Variants in ANKS1B observed in about 807,000 individuals in gnomAD.
The protein encoded by ANKS1B is ankyrin repeat and sterile alpha motif domain containing 1B, also known as ankyrin repeat and sterile alpha motif domain-containing protein 1B.
Under a neutral mutation model 148.3 loss-of-function variants are expected in ANKS1B, and 36 were observed. The ratio of observed to expected loss-of-function variants is 0.24; its 90% confidence interval spans 0.19 to 0.32. The LOEUF is 0.32. Ranked by LOEUF, ANKS1B falls within the 10% of genes least tolerant of loss-of-function variation. The pLI is 1.00. For synonymous variants in ANKS1B, 542 were observed against 560.8 expected, an observed-to-expected ratio of 0.97 and a Z score of 0.47; for missense variants, 1,157 against 1,542.6, an observed-to-expected ratio of 0.75 and a Z score of 4.19.
intron 8 of ANKS1B, among the ~76,000 whole-genome samples, chr12:99,756,984 T>C (rs10778018): frequency 0.44 from 66,222 of 151,488 alleles, 14,839 homozygotes; most frequent in South Asian, 0.61. Context: ...TACCCAAAAC[T>C]ATAAAAAAAA....
rs80282922 is a variant in ANKS1B at position 99,333,861 on chromosome 12, T to G, written c.1756+65770A>C. Among the ~76,000 whole-genome samples the G allele has an allele frequency of 5.7e-4, 84 of 146,538 alleles. 2 individuals carry two copies. The highest frequency in any genetic ancestry group is 1.7e-3 in the East Asian group (8 of 4,670). ...TCACATTTCCAGTTCTCAGTTTTTT[T>G]TTTTTTTTTTTTTTAACAATGTGAG... is the stretch of plus-strand genomic sequence containing the variant. On this transcript the variant is annotated intron_variant, in intron 12 of 26. Coordinates refer to ENST00000683438, the MANE Select transcript of ANKS1B (RefSeq NM_001352186.2).
At chr12:98,772,971 G>A in intron 25 of ANKS1B, 71 bp downstream of exon 25, 2 of 1,544,992 alleles carry the variant, frequency 1.3e-6, no homozygotes, top group South Asian at 1.2e-5. Flanking sequence ...TTAATTATAA[G>A]TTGGGCTTTC....
chr12:99,493,722 T>G (rs1439989641), intron 10 of ANKS1B, among the ~76,000 whole-genome samples: 1 of 152,074 alleles, frequency 6.6e-6, no homozygotes, highest in Non-Finnish European at 1.5e-5. Context: ...AGAAAAGGTT[T>G]GGGGGGAAAG....
intron 1 of ANKS1B, among the ~76,000 whole-genome samples, chr12:99,893,944 G>A (rs2093256005): frequency 6.6e-6 from 1 of 151,928 alleles, no homozygotes; most frequent in African/African-American, 2.4e-5. Context: ...GCACTATGAT[G>A]GACATACGGA....
chr12:99,060,653 T>TCACACACACACACACACA (rs35515489), intron 16 of ANKS1B, among the ~76,000 whole-genome samples: 22 of 126,100 alleles, frequency 1.7e-4, no homozygotes, highest in African/African-American at 5.6e-4. Flanking sequence ...TATATACACA[T>TCACACACACACACACACA]CACACACACA....
intron 15 of ANKS1B, among the ~76,000 whole-genome samples, chr12:99,119,900 G>T (rs2062324548): frequency 6.6e-6 from 1 of 151,940 alleles, no homozygotes; most frequent in Admixed American, 6.6e-5. Context: ...GTATATTTCT[G>T]GTCAAAGAAA....
At chr12:99,470,729 T>C (rs552822995) in intron 10 of ANKS1B, among the ~76,000 whole-genome samples, 10 of 152,252 alleles carry the variant, frequency 6.6e-5, no homozygotes, top group African/African-American at 2.2e-4. Flanking sequence ...AAGTATTTCA[T>C]GGAGCTAATA....
chr12:99,541,095 C>T (rs1488436458), intron 9 of ANKS1B, among the ~76,000 whole-genome samples: 2 of 152,072 alleles, frequency 1.3e-5, no homozygotes, highest in African/African-American at 4.8e-5. Context: ...CTGCGTAGAC[C>T]TATAACAAGT....
intron 8 of ANKS1B, among the ~76,000 whole-genome samples, chr12:99,677,994 TA>T (rs2098590701): frequency 3.3e-5 from 5 of 152,136 alleles, no homozygotes; most frequent in African/African-American, 1.2e-4. Context: ...TTTTTTCAGT[TA>T]AAAGATACCC....
intron 1 of ANKS1B, among the ~76,000 whole-genome samples, chr12:99,940,881 A>G (rs1335501810): frequency 1.3e-5 from 2 of 152,126 alleles, no homozygotes; most frequent in African/African-American, 4.8e-5. Context: ...CATTTAAGTT[A>G]GATTTTAAAA....
At chr12:99,501,630 C>T (rs939161418) in intron 10 of ANKS1B, among the ~76,000 whole-genome samples, 2 of 152,108 alleles carry the variant, frequency 1.3e-5, no homozygotes, top group African/African-American at 2.4e-5. Context: ...AAGGCTGTAG[C>T]CCTTGGAATC....
intron 9 of ANKS1B, chr12:99,650,195 G>A (rs1359166801): frequency 8.2e-6 from 1 of 122,420 alleles, no homozygotes; most frequent in Non-Finnish European, 1.9e-5. Flanking sequence ...AGAATAAAAT[G>A]TTGAAGATTA....
chr12:99,871,267 ATG>A (rs933047461), intron 1 of ANKS1B, among the ~76,000 whole-genome samples: 50 of 152,154 alleles, frequency 3.3e-4, no homozygotes, highest in African/African-American at 1.2e-3. Flanking sequence ...CCATTGGTCT[ATG>A]TGTCTGTTTT....
At chr12:99,899,930 G>A (rs967322256) in intron 1 of ANKS1B, among the ~76,000 whole-genome samples, 2 of 150,564 alleles carry the variant, frequency 1.3e-5, no homozygotes, top group African/African-American at 2.4e-5. Context: ...ATGGAATCTC[G>A]CTTTGTCGCC....
At chr12:99,728,276 T>C (rs1279827143) in intron 8 of ANKS1B, among the ~76,000 whole-genome samples, 13 of 151,652 alleles carry the variant, frequency 8.6e-5, no homozygotes, top group Non-Finnish European at 4.4e-5. Context: ...TTAAACAAAT[T>C]TACAAGAAAA....
At chr12:99,359,441 T>C (rs1018588003) in intron 12 of ANKS1B, among the ~76,000 whole-genome samples, 12 of 152,126 alleles carry the variant, frequency 7.9e-5, no homozygotes, top group Admixed American at 1.3e-4. Flanking sequence ...TCTAAAAAGA[T>C]TGAAAGAAAT....
intron 17 of ANKS1B, among the ~76,000 whole-genome samples, chr12:98,984,777 A>T: frequency 6.6e-6 from 1 of 152,248 alleles, no homozygotes; most frequent in Non-Finnish European, 1.5e-5. Context: ...TAGGAGGCTG[A>T]GTCAGGAGGA....
At chr12:99,802,358 A>T (rs1567875642) in intron 4 of ANKS1B, among the ~76,000 whole-genome samples, 1 of 152,174 alleles carries the variant, frequency 6.6e-6, no homozygotes, top group Non-Finnish European at 1.5e-5. Flanking sequence ...CCCAAAATCA[A>T]GTTCAAAATT....
chr12:99,581,711 A>G (rs1047018966), intron 9 of ANKS1B, among the ~76,000 whole-genome samples: 3 of 151,668 alleles, frequency 2.0e-5, no homozygotes, highest in African/African-American at 7.3e-5. Flanking sequence ...TAACAAGGTG[A>G]AACCCCGTCT....
Sources: allele counts gnomAD v4.1 joint callset (sites outside exome capture counted in the v4.1 genomes callset), GRCh38; gene constraint gnomAD v4.1.1; transcripts MANE v1.5; gene names NCBI Gene and HGNC (gene_info 2026-07-23, HGNC 2026-07-21).